PPP1R16B: variants seen among roughly 807,000 people sequenced by gnomAD.
PPP1R16B encodes the protein protein phosphatase 1 regulatory inhibitor subunit 16B.
In PPP1R16B, 14 loss-of-function variants were observed where a neutral mutation model predicts 61.7. That is an observed-to-expected ratio of 0.23 (90% CI 0.15 to 0.35). PPP1R16B has a LOEUF of 0.35. PPP1R16B is among the 10% of genes least tolerant of loss of function. The pLI, the probability that PPP1R16B is intolerant of heterozygous loss-of-function variation, is 1.00. For synonymous variants in PPP1R16B, 266 were observed against 305.3 expected (o/e 0.87, Z 1.34); for missense variants, 547 against 752.5 (o/e 0.73, Z 3.19).
At chr20:38,878,157 A>T (rs936621929) in intron 2 of PPP1R16B, among the ~76,000 whole-genome samples, 6 of 152,108 alleles carry the variant, frequency 3.9e-5, no homozygotes, top group African/African-American at 1.2e-4. Context: ...TTTTCCATCG[A>T]TAATATGGAA....
At chr20:38,880,011 C>A (rs1054068538) in intron 2 of PPP1R16B, among the ~76,000 whole-genome samples, 1 of 151,856 alleles carries the variant, frequency 6.6e-6, no homozygotes, top group Non-Finnish European at 1.5e-5. Flanking sequence ...TAGAGTAGCT[C>A]AAGAACAGAT....
chr20:38,870,857 G>C (rs983149578), intron 2 of PPP1R16B, among the ~76,000 whole-genome samples: 3 of 152,042 alleles, frequency 2.0e-5, no homozygotes, highest in Non-Finnish European at 4.4e-5. Context: ...GAGGGCTGGA[G>C]GGTTGGGGCG....
chr20:38,851,397 G>A (rs1434014654), intron 2 of PPP1R16B, among the ~76,000 whole-genome samples: 2 of 151,912 alleles, frequency 1.3e-5, no homozygotes, highest in Non-Finnish European at 2.9e-5. Context: ...TACAGGAGGT[G>A]GAGGTTGCAG....
rs2085566075 is a variant in PPP1R16B, at chr20:38,918,803, C to T, written c.*137C>T. On this transcript the variant is annotated 3_prime_UTR_variant, in exon 11 of 11. Coordinates refer to ENST00000299824, the MANE Select transcript of PPP1R16B (RefSeq NM_015568.4). The surrounding 1 kb of genome is among the most constrained non-coding windows in gnomAD (Gnocchi z 5.3). ...CTTTTCAGAGGAACTCAGACCCCAG[C>T]CCTCAGCTGGCTGCCCATAGCATCC... The T allele has an allele frequency of 2.8e-6, 3 of 1,090,314 alleles. No individual in the cohort carries two copies. Among genetic ancestry groups the T allele is most frequent in the Non-Finnish European group, 2.4e-6 (2 of 823,014 alleles). The allele number at this position is 1,090,314 out of a possible 1,614,324, so 67.5% of individuals were successfully genotyped here.
At chr20:38,848,729 GT>G (rs1181847803) in intron 2 of PPP1R16B, among the ~76,000 whole-genome samples, 1 of 152,170 alleles carries the variant, frequency 6.6e-6, no homozygotes, top group East Asian at 1.9e-4. Context: ...AATACAGCAT[GT>G]TCTCACTTAC....
At chr20:38,897,922 TC>T (rs2085362243) in intron 4 of PPP1R16B, among the ~76,000 whole-genome samples, 1 of 152,246 alleles carries the variant, frequency 6.6e-6, no homozygotes, top group Non-Finnish European at 1.5e-5. Context: ...TCTATTCAAG[TC>T]CTTTGTCCAT....
intron 10 of PPP1R16B, among the ~76,000 whole-genome samples, chr20:38,909,444 T>G (rs772282572): frequency 1.3e-5 from 2 of 152,114 alleles, no homozygotes; most frequent in Non-Finnish European, 2.9e-5. Flanking sequence ...AGACATGAAT[T>G]TTTGAGGGAC....
chr20:38,869,129 T>C (rs2085109402), intron 2 of PPP1R16B, among the ~76,000 whole-genome samples: 1 of 150,750 alleles, frequency 6.6e-6, no homozygotes, highest in African/African-American at 2.4e-5. Context: ...TTTGAGGTGA[T>C]ATGCACATAA....
At position 38,920,168 on chromosome 20, in the gene PPP1R16B, C is replaced by G. The variant is rs1402160678; in HGVS notation, c.*1502C>G. 6.5e-6 allele frequency: 1 copy of G among 152,782 alleles called. No individual in the cohort carries two copies. The highest frequency in any genetic ancestry group is 1.5e-5 in the Non-Finnish European group (1 of 68,198). 9.5% of individuals were successfully genotyped at this position (152,782 alleles called of 1,614,324 possible). Reference sequence around the variant, plus strand: ...GGAGGGAGGACTGTGAATGGCTGTTCTCCCCTCACTGCTGAGTCTCCCAGG... The same window carrying G: ...GGAGGGAGGACTGTGAATGGCTGTTGTCCCCTCACTGCTGAGTCTCCCAGG... On this transcript the variant is annotated 3_prime_UTR_variant, in exon 11 of 11. Coordinates refer to ENST00000299824, the MANE Select transcript of PPP1R16B (RefSeq NM_015568.4).
chr20:38,907,718 TG>T lies in PPP1R16B; in HGVS notation c.899-84del. ...AAGATGCTTGGAGTTTTCAGTGGGT[TG>T]GGGTGGCAGCTCCTCTGGTCTGGAG... On this transcript the variant is annotated intron_variant, in intron 8 of 10. Transcript: ENST00000299824. The surrounding 1 kb of genome is among the most constrained non-coding windows in gnomAD (Gnocchi z 4.5). 1 of 1,501,738 alleles carries T rather than the reference TG, an allele frequency of 6.7e-7. No individual in the cohort carries two copies. The highest frequency in any genetic ancestry group is 9.1e-7 in the Non-Finnish European group (1 of 1,097,154). 93.0% of individuals were successfully genotyped at this position (1,501,738 alleles called of 1,614,324 possible).
intron 1 of PPP1R16B, among the ~76,000 whole-genome samples, chr20:38,824,070 C>T (rs888137892): frequency 3.3e-5 from 5 of 152,196 alleles, no homozygotes. Flanking sequence ...GTTCCCTAAC[C>T]TCTCCGAGTC....
intron 2 of PPP1R16B, chr20:38,838,308 A>C (rs572311158): frequency 1.0e-4 from 16 of 152,460 alleles, no homozygotes; most frequent in African/African-American, 3.8e-4. Flanking sequence ...CCCTGCACAC[A>C]CCTTCCAGTC....
chr20:38,811,662 T>C (rs886207020), intron 1 of PPP1R16B, among the ~76,000 whole-genome samples: 1 of 152,240 alleles, frequency 6.6e-6, no homozygotes, highest in African/African-American at 2.4e-5. Flanking sequence ...GGTTCTCAAC[T>C]TGGGGCAGTT....
At position 38,921,038 on chromosome 20, in the gene PPP1R16B, G is replaced by C. The variant is rs1357501637; in HGVS notation, c.*2372G>C. On this transcript the variant is annotated 3_prime_UTR_variant, in exon 11 of 11. Transcript: ENST00000299824. Reference sequence around the variant, plus strand: ...GAAGGCACGTACTGCCCAACCCACTGAGCGCCTGAGGCCATTCCCTCCTTT... The same window carrying C: ...GAAGGCACGTACTGCCCAACCCACTCAGCGCCTGAGGCCATTCCCTCCTTT... The C allele has an allele frequency of 1.3e-5, 2 of 152,280 alleles. No homozygotes were observed. Among genetic ancestry groups the C allele is most frequent in the Non-Finnish European group, 2.9e-5 (2 of 68,078 alleles). 9.4% of individuals were successfully genotyped at this position (152,280 alleles called of 1,614,324 possible).
chr20:38,821,273 G>A (rs1411725919), intron 1 of PPP1R16B, among the ~76,000 whole-genome samples: 4 of 152,190 alleles, frequency 2.6e-5, no homozygotes. Flanking sequence ...AACTGACCTG[G>A]CTATCAGCCA....
chr20:38,830,672 A>G (rs1016498369), intron 1 of PPP1R16B, among the ~76,000 whole-genome samples: 6 of 152,220 alleles, frequency 3.9e-5, no homozygotes, highest in Non-Finnish European at 8.8e-5. Context: ...GTCTGTTAGC[A>G]TTGGACTGAC....
intron 3 of PPP1R16B, among the ~76,000 whole-genome samples, chr20:38,890,259 G>A (rs1239085494): frequency 6.6e-6 from 1 of 152,206 alleles, no homozygotes; most frequent in Non-Finnish European, 1.5e-5. Flanking sequence ...GCAGCCATGG[G>A]GATGCTTAAG....
chr20:38,809,027 C>T (rs1327308001), intron 1 of PPP1R16B, among the ~76,000 whole-genome samples: 2 of 132,484 alleles, frequency 1.5e-5, no homozygotes, highest in African/African-American at 5.9e-5. Context: ...AGCGAGACTC[C>T]ATCTCAAAAA....
At chr20:38,821,492 G>A (rs1295697101) in intron 1 of PPP1R16B, among the ~76,000 whole-genome samples, 2 of 152,156 alleles carry the variant, frequency 1.3e-5, no homozygotes, top group African/African-American at 4.8e-5. Context: ...AGTGACTAGT[G>A]GGCTATATAC....
Sources: gnomAD v4.1 joint callset for allele counts (sites outside exome capture counted in the v4.1 genomes callset) on GRCh38, gnomAD v4.1.1 for gene constraint, Gnocchi (gnomAD v3.1) non-coding constraint, MANE v1.5 for transcripts, NCBI Gene and HGNC (gene_info 2026-07-23, HGNC 2026-07-21) for gene names.